SYN3: variants seen among roughly 807,000 people sequenced by gnomAD.
SYN3 encodes the protein synapsin-3.
A neutral mutation model predicts 65.8 loss-of-function variants in SYN3; 35 were observed. That is an observed-to-expected ratio of 0.53 (90% confidence interval 0.41 to 0.70). The LOEUF (loss-of-function observed/expected upper bound fraction) is 0.70, where lower values mean the gene tolerates loss of function less well. SYN3 is among the 30% of genes least tolerant of loss of function. The pLI, the probability that SYN3 is intolerant of heterozygous loss-of-function variation, is 0.00. For missense variants in SYN3, 680 were observed against 749.0 expected (o/e 0.91, Z 1.08); for synonymous variants, 270 against 292.9 (o/e 0.92, Z 0.80).
chr22:32,683,298 C>T (rs2060548190), intron 6 of SYN3, among the ~76,000 whole-genome samples: 1 of 152,076 alleles, frequency 6.6e-6, no homozygotes, highest in Non-Finnish European at 1.5e-5. Context: ...TAATTGCCTT[C>T]CCCCTTCCTG....
intron 3 of SYN3, among the ~76,000 whole-genome samples, chr22:32,941,875 C>G (rs750157094): frequency 3.3e-5 from 5 of 152,368 alleles, no homozygotes; most frequent in Middle Eastern, 3.4e-3. Context: ...TGAGATCTAA[C>G]TGCAAGGCAG....
chr22:32,885,749 T>C (rs1337117064), intron 4 of SYN3, among the ~76,000 whole-genome samples: 4 of 152,090 alleles, frequency 2.6e-5, no homozygotes, highest in African/African-American at 7.2e-5. Context: ...TTAGTAGAGA[T>C]GGGGTTTCAC....
intron 6 of SYN3, among the ~76,000 whole-genome samples, chr22:32,769,302 C>G (rs533906167): frequency 6.6e-6 from 1 of 152,286 alleles, no homozygotes; most frequent in Non-Finnish European, 1.5e-5. Flanking sequence ...CTATGGTCAT[C>G]AATGACCTCC....
chr22:32,810,098 A>C (rs1354221443), intron 6 of SYN3, among the ~76,000 whole-genome samples: 1 of 152,204 alleles, frequency 6.6e-6, no homozygotes, highest in Non-Finnish European at 1.5e-5. Context: ...CAAAGTATTG[A>C]TTCTAGCTAA....
At chr22:32,789,791 G>T (rs1602152855) in intron 6 of SYN3, among the ~76,000 whole-genome samples, 1 of 152,248 alleles carries the variant, frequency 6.6e-6, no homozygotes, top group Non-Finnish European at 1.5e-5. Context: ...TTCTAAAGAG[G>T]GAAAGTTACA....
intron 2 of SYN3, among the ~76,000 whole-genome samples, chr22:32,994,824 C>T (rs1025428033): frequency 8.5e-5 from 13 of 152,154 alleles, no homozygotes; most frequent in African/African-American, 1.4e-4. Flanking sequence ...GCTTCCACAA[C>T]GATTATACTC....
intron 6 of SYN3, among the ~76,000 whole-genome samples, chr22:32,669,656 G>T (rs2060334764): frequency 6.6e-6 from 1 of 152,200 alleles, no homozygotes; most frequent in African/African-American, 2.4e-5. Context: ...CAAGGTTAAA[G>T]AACTCCTAAT....
intron 6 of SYN3, among the ~76,000 whole-genome samples, chr22:32,599,528 A>G (rs1206204105): frequency 6.6e-6 from 1 of 151,854 alleles, no homozygotes; most frequent in Non-Finnish European, 1.5e-5. Flanking sequence ...TCACTGTGTT[A>G]GCCAGGATGG....
In SYN3 at chr22:32,513,787, C is replaced by A; in HGVS notation, c.1648G>T (p.Asp550Tyr). 6.2e-7 allele frequency: 1 copy of A among 1,614,088 alleles called. No individual in the cohort carries two copies. Among genetic ancestry groups the A allele is most frequent in the Non-Finnish European group, 8.5e-7 (1 of 1,180,036 alleles). ...CTTGGGGTCCCACGCTGGGAGGTGTCGGATGTGCTGAGGCTGTTAGTCAGG... is the reference window on the plus strand; with the variant it reads ...CTTGGGGTCCCACGCTGGGAGGTGTAGGATGTGCTGAGGCTGTTAGTCAGG... Reference protein sequence around the residue: ...QSLTNSLSTSDTSQRGTPSED... With the variant: ...QSLTNSLSTSYTSQRGTPSED... Residue 550 changes from aspartate (D) to tyrosine (Y), a missense_variant, in exon 14 of 14, where the codon GAC becomes TAC. Transcript: ENST00000358763.
Position 32,518,121 on chromosome 22 carries a change from C to A in SYN3, c.1532G>T (p.Arg511Leu). The A allele has an allele frequency of 6.3e-7, 1 of 1,599,626 alleles. No individual in the cohort carries two copies. Among genetic ancestry groups the A allele is most frequent in the Non-Finnish European group, 8.5e-7 (1 of 1,172,820 alleles). ...GGTACTACGGCCCTGCACAGGGGGC[C>A]GGGGCTGTGAGGCGAGGGTGGCACC... ...KPGATLASQP[R>L]PPVQGRSTSQ... The change falls in exon 13 of 14, where the codon CGG becomes CTG. Residue 511 changes from arginine (R) to leucine (L), a missense_variant. By Grantham distance (102) the Arg-to-Leu change is moderately radical. Transcript: ENST00000358763.
At chr22:32,926,004 A>C (rs1013301368) in intron 4 of SYN3, among the ~76,000 whole-genome samples, 5 of 151,518 alleles carry the variant, frequency 3.3e-5, no homozygotes, top group South Asian at 2.1e-4. Context: ...GGCGCACACC[A>C]CCACACCTGG....
chr22:32,993,792 G>A (rs1024089668), intron 2 of SYN3, among the ~76,000 whole-genome samples: 4 of 152,286 alleles, frequency 2.6e-5, no homozygotes, highest in African/African-American at 4.8e-5. Flanking sequence ...AGAAACAGAG[G>A]CCAGAGAAGG....
chr22:32,747,101 T>C (rs2044957023), intron 6 of SYN3, among the ~76,000 whole-genome samples: 1 of 152,176 alleles, frequency 6.6e-6, no homozygotes, highest in South Asian at 2.1e-4. Context: ...TTTTCTACTT[T>C]ACATAATATT....
chr22:32,881,745 A>T (rs1209965660), intron 4 of SYN3, among the ~76,000 whole-genome samples: 1 of 151,742 alleles, frequency 6.6e-6, no homozygotes, highest in Non-Finnish European at 1.5e-5. Context: ...GTTTTTTTTT[A>T]AAGGAAAGAT....
At chr22:32,752,952 G>T (rs889827062) in intron 6 of SYN3, among the ~76,000 whole-genome samples, 1 of 152,102 alleles carries the variant, frequency 6.6e-6, no homozygotes, top group Admixed American at 6.5e-5. Context: ...CGAGCACTCT[G>T]GGGAACAGCT....
intron 6 of SYN3, chr22:32,802,199 C>T: frequency 6.6e-7 from 1 of 1,516,932 alleles, no homozygotes; most frequent in South Asian, 1.2e-5. Flanking sequence ...GCAGGGCGAG[C>T]CCCACTCCTT....
At chr22:32,952,782 A>T (rs1479382885) in intron 3 of SYN3, among the ~76,000 whole-genome samples, 1 of 152,238 alleles carries the variant, frequency 6.6e-6, no homozygotes, top group East Asian at 1.9e-4. Flanking sequence ...AATAGAATTT[A>T]AAAATAAAAA....
At chr22:32,808,257 A>C (rs1341988260) in intron 6 of SYN3, among the ~76,000 whole-genome samples, 5 of 152,230 alleles carry the variant, frequency 3.3e-5, no homozygotes, top group Non-Finnish European at 7.3e-5. Context: ...ACACACATAC[A>C]CAGGGTTTTG....
chr22:32,996,433 T>C (rs2052882642), intron 2 of SYN3, among the ~76,000 whole-genome samples: 1 of 152,036 alleles, frequency 6.6e-6, no homozygotes, highest in African/African-American at 2.4e-5. Context: ...ATAGGGAAGG[T>C]GGTGGCATTG....
Sources: gnomAD v4.1 joint callset for allele counts (sites outside exome capture counted in the v4.1 genomes callset) on GRCh38, gnomAD v4.1.1 for gene constraint, MANE v1.5 for transcripts, NCBI Gene and HGNC (gene_info 2026-07-23, HGNC 2026-07-21) for gene names.